DISC1: variants seen among roughly 807,000 people sequenced by gnomAD.
DISC1 encodes DISC1 scaffold protein.
DISC1 carries 57 observed loss-of-function variants against 84.5 expected under a neutral mutation model. The observed-to-expected ratio is 0.67, with a 90% CI of 0.55 to 0.84. The LOEUF (loss-of-function observed/expected upper bound fraction) is 0.84. Ranked by LOEUF, DISC1 falls within the 40% of genes least tolerant of loss-of-function variation. The pLI is 0.00. For synonymous variants in DISC1, 411 were observed against 415.2 expected, an observed-to-expected ratio of 0.99 and a Z score of 0.12; for missense variants, 1,000 against 1,057.8, an observed-to-expected ratio of 0.95 and a Z score of 0.76.
intron 9 of DISC1, among the ~76,000 whole-genome samples, chr1:231,836,182 G>GT (rs1350251359): frequency 6.6e-6 from 1 of 152,040 alleles, no homozygotes; most frequent in Non-Finnish European, 1.5e-5. Context: ...GTCTTTGGCT[G>GT]TTTTTTTCTT....
At chr1:231,666,124 A>T (rs1016590427) in intron 1 of DISC1, among the ~76,000 whole-genome samples, 1 of 152,110 alleles carries the variant, frequency 6.6e-6, no homozygotes, top group Non-Finnish European at 1.5e-5. Context: ...AGATCTCTTC[A>T]ATGCAATCAA....
intron 9 of DISC1, among the ~76,000 whole-genome samples, chr1:231,823,241 A>C (rs76959049): frequency 0.072 from 10,851 of 150,960 alleles, 653 homozygotes; most frequent in East Asian, 0.36. Flanking sequence ...GAAGAAACTG[A>C]TGAAAAAGTA....
chr1:231,716,291 A>T (rs2068702487), intron 3 of DISC1, among the ~76,000 whole-genome samples: 1 of 146,860 alleles, frequency 6.8e-6, no homozygotes, highest in South Asian at 2.2e-4. Flanking sequence ...GCTTATTTGC[A>T]CATAGCCTGA....
chr1:231,881,952 G>A (rs1487249235), intron 9 of DISC1, among the ~76,000 whole-genome samples: 1 of 152,092 alleles, frequency 6.6e-6, no homozygotes, highest in Non-Finnish European at 1.5e-5. Context: ...TCTGAGACGC[G>A]GGAGCATAAG....
chr1:231,832,924 A>T (rs7524510), intron 9 of DISC1, among the ~76,000 whole-genome samples: 1 of 111,246 alleles, frequency 9.0e-6, no homozygotes, highest in African/African-American at 3.4e-5. Flanking sequence ...GGCTTTAATC[A>T]TTTTAAAGAG....
At chr1:231,795,054 G>A (rs1447789415) in intron 6 of DISC1, among the ~76,000 whole-genome samples, 188 bp from the exon 7 acceptor site, 1 of 152,140 alleles carries the variant, frequency 6.6e-6, no homozygotes, top group East Asian at 1.9e-4. Context: ...TAATAAGGGA[G>A]GAAAGGTCTG....
intron 9 of DISC1, among the ~76,000 whole-genome samples, chr1:231,840,998 G>A (rs1324503815): frequency 6.6e-6 from 1 of 152,182 alleles, no homozygotes; most frequent in East Asian, 1.9e-4. Flanking sequence ...TCTCTATGAG[G>A]TTGATGTTAT....
At chr1:231,702,674 A>C in intron 3 of DISC1, 2 of 916,002 alleles carry the variant, frequency 2.2e-6, no homozygotes, top group Non-Finnish European at 2.6e-6. Context: ...AATTAAAATG[A>C]GGCACCAAAA....
At chr1:231,890,536 A>G (rs2087127590) in intron 9 of DISC1, among the ~76,000 whole-genome samples, 3 of 152,248 alleles carry the variant, frequency 2.0e-5, no homozygotes, top group Admixed American at 2.0e-4. Flanking sequence ...ACATAGAAAC[A>G]GAAAGTAGAA....
At chr1:231,940,185 C>T (rs948209152) in intron 9 of DISC1, among the ~76,000 whole-genome samples, 1 of 152,196 alleles carries the variant, frequency 6.6e-6, no homozygotes, top group Admixed American at 6.5e-5. Flanking sequence ...TCCCCTCTCT[C>T]TGTGTGTGGT....
intron 6 of DISC1, among the ~76,000 whole-genome samples, chr1:231,794,278 C>T (rs1001901638): frequency 6.6e-6 from 1 of 151,414 alleles, no homozygotes; most frequent in Admixed American, 6.6e-5. Context: ...AGGCCCAGTT[C>T]ACTTTTCACC....
At chr1:231,948,861 ATTTT>A (rs58931988) in intron 9 of DISC1, among the ~76,000 whole-genome samples, 33 of 94,464 alleles carry the variant, frequency 3.5e-4, no homozygotes, top group African/African-American at 1.3e-3. Context: ...TCCTGTGTTA[ATTTT>A]TTTTTTTTTT....
At chr1:231,648,814 A>G (rs1411551532) in intron 1 of DISC1, among the ~76,000 whole-genome samples, 1 of 151,976 alleles carries the variant, frequency 6.6e-6, no homozygotes, top group African/African-American at 2.4e-5. Context: ...GAATTTATCC[A>G]TTTCTCCTCG....
chr1:231,656,421 T>C (rs931722212), intron 1 of DISC1, among the ~76,000 whole-genome samples: 3 of 152,216 alleles, frequency 2.0e-5, no homozygotes, highest in Non-Finnish European at 2.9e-5. Context: ...TTCTGGGTTC[T>C]CTATTCTATT....
intron 1 of DISC1, among the ~76,000 whole-genome samples, chr1:231,676,268 A>G (rs2063146312): frequency 6.6e-6 from 1 of 152,230 alleles, no homozygotes; most frequent in African/African-American, 2.4e-5. Flanking sequence ...CGATGCTATC[A>G]TCCATTATGT....
intron 9 of DISC1, among the ~76,000 whole-genome samples, chr1:231,847,439 T>G (rs1296977597): frequency 6.6e-6 from 1 of 152,126 alleles, no homozygotes; most frequent in African/African-American, 2.4e-5. Flanking sequence ...CCATACCTCA[T>G]TTTATAAGAA....
At chr1:231,948,935 T>A (rs1333131767) in intron 9 of DISC1, among the ~76,000 whole-genome samples, 2 of 148,738 alleles carry the variant, frequency 1.3e-5, no homozygotes, top group Non-Finnish European at 3.0e-5. Flanking sequence ...AGTGGTGCGA[T>A]CTCGGCTCAC....
At chr1:232,010,869 G>T (rs1667962879) in intron 11 of DISC1, among the ~76,000 whole-genome samples, 1 of 152,098 alleles carries the variant, frequency 6.6e-6, no homozygotes. Flanking sequence ...CCTTTCCTTT[G>T]GGTATAGGTT....
At chr1:232,011,499 C>T (rs867616440) in intron 11 of DISC1, among the ~76,000 whole-genome samples, 2 of 152,142 alleles carry the variant, frequency 1.3e-5, no homozygotes, top group Non-Finnish European at 1.5e-5. Flanking sequence ...AGAGGGCAGC[C>T]GTTCTCTGAA....
Sources: allele counts gnomAD v4.1 joint callset (sites outside exome capture counted in the v4.1 genomes callset), GRCh38; gene constraint gnomAD v4.1.1; transcripts MANE v1.5; gene names NCBI Gene and HGNC (gene_info 2026-07-23, HGNC 2026-07-21).